The following STK3 variants were observed in gnomAD, a reference collection of about 807,000 sequenced individuals.
STK3 encodes the protein serine/threonine kinase 3.
STK3 carries 41 observed loss-of-function variants against 58.0 expected under a neutral mutation model. The ratio of observed to expected loss-of-function variants is 0.71; its 90% CI spans 0.55 to 0.92. The LOEUF (loss-of-function observed/expected upper bound fraction) is 0.92, where lower values mean the gene tolerates loss of function less well. Ranked by LOEUF, STK3 falls within the 40% of genes least tolerant of loss-of-function variation. The probability of loss-of-function intolerance (pLI) is 0.00; values close to 1 mark genes in which losing one functional copy is unlikely to be tolerated. For missense variants in STK3, 479 were observed against 602.7 expected, an observed-to-expected ratio of 0.79 and a Z score of 2.15; for synonymous variants, 170 against 191.0, an observed-to-expected ratio of 0.89 and a Z score of 0.91.
At chr8:98,680,842 T>G (rs1823576497) in intron 6 of STK3, among the ~76,000 whole-genome samples, 2 of 152,166 alleles carry the variant, frequency 1.3e-5, no homozygotes, top group Non-Finnish European at 2.9e-5. Context: ...AAATTATAAA[T>G]ATGACCTTTC....
chr8:98,840,618 T>TAC (rs1443186456), intron 3 of STK3, among the ~76,000 whole-genome samples: 2 of 102,698 alleles, frequency 1.9e-5, no homozygotes, highest in East Asian at 6.4e-4. Flanking sequence ...TATATATATA[T>TAC]ATATATATAT....
At chr8:98,373,186 T>G (rs186481240) in intron 2 of STK3, among the ~76,000 whole-genome samples, 47 of 152,272 alleles carry the variant, frequency 3.1e-4, no homozygotes, top group Admixed American at 1.2e-3. Context: ...CTTGCTTTTT[T>G]TGTGATTGCT....
intron 1 of STK3, among the ~76,000 whole-genome samples, chr8:98,443,238 C>T (rs1818763201): frequency 1.3e-5 from 2 of 152,134 alleles, no homozygotes; most frequent in South Asian, 2.1e-4. Context: ...GTATTTGCCA[C>T]CTAAATTTTC....
At chr8:98,361,244 C>G in the STK3 span, among the ~76,000 whole-genome samples, 1 of 152,200 alleles carries the variant, frequency 6.6e-6, no homozygotes, top group African/African-American at 2.4e-5. Context: ...CCCACACACT[C>G]TGCAGACCAG....
chr8:98,795,786 A>C (rs1833122240), intron 1 of STK3, among the ~76,000 whole-genome samples: 1 of 150,188 alleles, frequency 6.7e-6, no homozygotes, highest in Non-Finnish European at 1.5e-5. Flanking sequence ...TCCCATTTAC[A>C]ATGGCCACAA....
intron 6 of STK3, among the ~76,000 whole-genome samples, chr8:98,696,561 C>A (rs1334105910): frequency 1.3e-5 from 2 of 152,116 alleles, no homozygotes; most frequent in Non-Finnish European, 2.9e-5. Flanking sequence ...GAGTTTTTAG[C>A]ATGAAGCATT....
In STK3 at chr8:98,854,329, G is replaced by T. The variant is rs1836589250; in HGVS notation, c.110+29318C>A. Among the ~76,000 whole-genome samples, 3 of 152,060 alleles carry T rather than the reference G, an allele frequency of 2.0e-5. No individual in the cohort carries two copies. The South Asian group carries it at 6.2e-4, about 32-fold the overall frequency. ...AATTTTTATATTTTTAATAGAGATG[G>T]GGTTTCACCATGTTGGCCAGGCTGA... is the stretch of plus-strand genomic sequence containing the variant. On this transcript the variant is annotated intron_variant, in intron 3 of 12. Transcript: ENST00000523601.
chr8:98,432,181 G>T (rs1348593711), intron 3 of STK3: 1 of 166,944 alleles, frequency 6.0e-6, no homozygotes, highest in African/African-American at 2.4e-5. Context: ...GGAGAGTCAG[G>T]TTAATTTTCT....
intron 10 of STK3, among the ~76,000 whole-genome samples, chr8:98,471,357 C>CTT (rs554417267): frequency 6.9e-5 from 9 of 129,648 alleles, no homozygotes; most frequent in South Asian, 2.6e-4. Flanking sequence ...TTTTCCTTTT[C>CTT]TTTTTTTTTT....
chr8:98,809,307 T>TA (rs1834078520), intron 1 of STK3, among the ~76,000 whole-genome samples: 4 of 152,234 alleles, frequency 2.6e-5, no homozygotes, highest in African/African-American at 7.2e-5. Context: ...GGAAGTCTTA[T>TA]ACAACTCAGT....
chr8:98,822,827 G>A (rs1392428179), intron 1 of STK3, among the ~76,000 whole-genome samples: 1 of 152,182 alleles, frequency 6.6e-6, no homozygotes, highest in Non-Finnish European at 1.5e-5. Flanking sequence ...TCTGGAGTTG[G>A]AGACCAGCCT....
At chr8:98,830,424 C>T (rs1212052303), upstream of STK3, among the ~76,000 whole-genome samples, 1 of 152,088 alleles carries the variant, frequency 6.6e-6, no homozygotes, top group Non-Finnish European at 1.5e-5. Context: ...AGAGGCAGGA[C>T]TGTGCCTGGT....
At chr8:98,370,811 A>T (rs931129805), downstream of STK3, among the ~76,000 whole-genome samples, 1 of 152,210 alleles carries the variant, frequency 6.6e-6, no homozygotes, top group South Asian at 2.1e-4. Context: ...AGGTCTTGGG[A>T]TCCAAACAAG....
chr8:98,751,701 C>A (rs1161897008), intron 3 of STK3, among the ~76,000 whole-genome samples: 2 of 152,096 alleles, frequency 1.3e-5, no homozygotes, highest in Non-Finnish European at 2.9e-5. Flanking sequence ...GCCTGTAAAC[C>A]CAGCACTTTG....
At chr8:98,874,064 T>C (rs1040303304) in intron 3 of STK3, among the ~76,000 whole-genome samples, 1 of 152,142 alleles carries the variant, frequency 6.6e-6, no homozygotes, top group Admixed American at 6.6e-5. Flanking sequence ...TCAGCATTTG[T>C]TGGTCTGTAA....
rs867268311 is a variant in STK3, at chr8:98,617,094, G to C, written c.685-20925C>G. On this transcript the variant is annotated intron_variant, in intron 6 of 10. Coordinates refer to ENST00000419617, the MANE Select transcript of STK3 (RefSeq NM_006281.4). Reference sequence around the variant, plus strand: ...TCTCCTCAGCAAATGTAAAAGAACAGAAATTATAACAAACTATCTCTCAGA... The same window carrying C: ...TCTCCTCAGCAAATGTAAAAGAACACAAATTATAACAAACTATCTCTCAGA... Among the ~76,000 whole-genome samples, 231 of 151,050 alleles carry C rather than the reference G, an allele frequency of 1.5e-3. 1 individual carries two copies. The highest frequency in any genetic ancestry group is 0.014 in the Middle Eastern group (4 of 294).
intron 1 of STK3, among the ~76,000 whole-genome samples, chr8:98,806,688 C>A (rs1028989031): frequency 3.3e-5 from 5 of 152,082 alleles, no homozygotes; most frequent in Non-Finnish European, 7.4e-5. Context: ...AGTATCCTCA[C>A]AATAAACTTC....
At chr8:98,674,382 C>G (rs1043852917) in intron 6 of STK3, among the ~76,000 whole-genome samples, 1 of 151,768 alleles carries the variant, frequency 6.6e-6, no homozygotes, top group African/African-American at 2.4e-5. Flanking sequence ...TGTGATGAAT[C>G]AGAAAAAAAT....
chr8:98,418,664 T>A (rs1366429751), intron 3 of STK3, among the ~76,000 whole-genome samples: 1 of 152,154 alleles, frequency 6.6e-6, no homozygotes, highest in East Asian at 1.9e-4. Flanking sequence ...CAGAAAGGGA[T>A]CTTACCCTGA....
Sources: gnomAD v4.1 joint callset for allele counts (sites outside exome capture counted in the v4.1 genomes callset) on GRCh38, gnomAD v4.1.1 for gene constraint, MANE v1.5 for transcripts, NCBI Gene and HGNC (gene_info 2026-07-23, HGNC 2026-07-21) for gene names.